INTS2: variants seen among roughly 807,000 people sequenced by gnomAD.
The protein encoded by INTS2 is integrator complex subunit 2, also known as KIAA1287.
A neutral mutation model predicts 139.6 loss-of-function variants in INTS2; 57 were observed. That is an observed-to-expected ratio of 0.41 (90% CI 0.33 to 0.51). The LOEUF (loss-of-function observed/expected upper bound fraction) is 0.51, where lower values mean the gene tolerates loss of function less well. INTS2 is among the 20% of genes least tolerant of loss of function. The pLI is 0.28. For missense variants in INTS2, 1,196 were observed against 1,436.7 expected (o/e 0.83, Z 2.71); for synonymous variants, 473 against 493.4 (o/e 0.96, Z 0.55).
intron 1 of INTS2, among the ~76,000 whole-genome samples, chr17:61,926,949 A>G (rs146055955): frequency 6.6e-6 from 1 of 152,326 alleles, no homozygotes; most frequent in Non-Finnish European, 1.5e-5. Flanking sequence ...AGATGAAGTA[A>G]CACGCCCAAA....
At chr17:61,888,266 A>G (rs1411555212) in intron 15 of INTS2, among the ~76,000 whole-genome samples, 5 of 150,964 alleles carry the variant, frequency 3.3e-5, no homozygotes, top group African/African-American at 1.2e-4. Flanking sequence ...GCTACACTGG[A>G]GGCTGAGGCA....
intron 4 of INTS2, among the ~76,000 whole-genome samples, chr17:61,920,771 C>G (rs549839561): frequency 7.5e-4 from 114 of 152,156 alleles, no homozygotes; most frequent in African/African-American, 2.7e-3. Flanking sequence ...CCACTGCACT[C>G]CAGCCTGGGT....
intron 5 of INTS2, among the ~76,000 whole-genome samples, chr17:61,914,527 G>A (rs1424636004): frequency 6.6e-6 from 1 of 152,018 alleles, no homozygotes; most frequent in African/African-American, 2.4e-5. Flanking sequence ...GTGAAACCGT[G>A]TTACTACTAA....
At chr17:61,894,080 A>T in intron 12 of INTS2, 181 bp from the exon 13 acceptor site, 1 of 403,350 alleles carries the variant, frequency 2.5e-6, no homozygotes, top group East Asian at 3.9e-5. Context: ...ACATTTAGGG[A>T]TTTATATAAT....
rs2079477257 is a variant in INTS2 at position 61,907,473 on chromosome 17, C to T, written c.1116G>A (p.Glu372=). 1.2e-6 allele frequency: 2 copies of T among 1,603,274 alleles called. No individual in the cohort carries two copies. The highest frequency in any genetic ancestry group is 1.7e-6 in the Non-Finnish European group (2 of 1,175,092). Residue 372 remains glutamate (E), a synonymous_variant, in exon 8 of 25, where the codon GAG becomes GAA. Transcript: ENST00000251334. The part of the protein sequence containing the change: ...NVSVYSGLKE[E]HVVKASALLR... ...AGAGTGCACTGGCTTTCACAACATGCTCTTCTTTCAGCCCCGAATACACAG... is the reference window on the plus strand; with the variant it reads ...AGAGTGCACTGGCTTTCACAACATGTTCTTCTTTCAGCCCCGAATACACAG...
chr17:61,885,815 G>C (rs1010721550), intron 15 of INTS2, among the ~76,000 whole-genome samples: 13 of 142,234 alleles, frequency 9.1e-5, no homozygotes, highest in Non-Finnish European at 1.8e-4. Flanking sequence ...TGCAAACTCT[G>C]CCTCCCAGGT....
rs912454951 is a variant in INTS2, at chr17:61,897,823, T to C, written c.1308-84A>G. ...AAAAGCATTCTGAAGTTATTTTTGG[T>C]AGAAATTATTTTTCCTGCCCTATTT... On this transcript the variant is annotated intron_variant, in intron 9 of 24. Transcript: ENST00000251334. The surrounding 1 kb of genome is among the most constrained non-coding windows in gnomAD (Gnocchi z 4.4). 3 of 991,440 alleles carry C rather than the reference T, an allele frequency of 3.0e-6. No individual in the cohort carries two copies. Among genetic ancestry groups the C allele is most frequent in the Non-Finnish European group, 4.5e-6 (3 of 661,354 alleles). The allele number at this position is 991,440 out of a possible 1,614,324, so 61.4% of individuals were successfully genotyped here.
In INTS2 at chr17:61,911,522, G is replaced by A; in HGVS notation, c.952C>T (p.Gln318Ter). The change falls in exon 7 of 25, where the codon CAG becomes TAG. Residue 318 changes from glutamine to a stop codon, truncating the protein, a stop_gained and splice_region_variant. Coordinates refer to ENST00000251334, the MANE Select transcript of INTS2 (RefSeq NM_001351695.2). LOFTEE classifies it high-confidence loss of function. ...CTATACAGATATTTAACCCTCACCT[G>A]CTGTCCATTTCGGATAAAAGTTCCA... The part of the protein sequence containing the change: ...WFGTFIRNGQ[Q>*]RKRETSSSVL... The A allele has an allele frequency of 6.2e-7, 1 of 1,613,614 alleles. No individual in the cohort carries two copies. The highest frequency in any genetic ancestry group is 2.2e-5 in the East Asian group (1 of 44,878).
rs2079297920 is a variant in INTS2 at position 61,891,816 on chromosome 17, T to C, written c.1699-127A>G. The C allele has an allele frequency of 1.4e-5, 9 of 641,092 alleles. No homozygotes were observed. In the South Asian group the frequency reaches 2.1e-4, roughly 15 times the overall value. The allele number at this position is 641,092 out of a possible 1,614,324, so 39.7% of individuals were successfully genotyped here. A position where few individuals can be genotyped will look rare whatever the true frequency, so the allele number is the denominator to read the frequency against. On this transcript the variant is annotated intron_variant, in intron 13 of 24. Transcript: ENST00000251334. Reference sequence around the variant, plus strand: ...AAACTCACTATTAACTTTTGGCAGTTCCAAATATATTATCTAGTATCATAA... The same window carrying C: ...AAACTCACTATTAACTTTTGGCAGTCCCAAATATATTATCTAGTATCATAA...
chr17:61,889,734 C>T (rs2145925083), intron 15 of INTS2, 52 bp downstream of exon 15: 1 of 851,752 alleles, frequency 1.2e-6, no homozygotes, highest in South Asian at 1.6e-5. Context: ...TAACAAAATA[C>T]AAGCTAATAA....
At chr17:61,903,121 C>T (rs1382513144) in intron 9 of INTS2, among the ~76,000 whole-genome samples, 2 of 141,578 alleles carry the variant, frequency 1.4e-5, no homozygotes, top group African/African-American at 2.6e-5. Context: ...GCCAAGATAT[C>T]GCACCACTGC....
intron 11 of INTS2, 89 bp from the exon 12 acceptor site, chr17:61,895,472 A>C (rs566934865): frequency 1.4e-6 from 1 of 704,456 alleles, no homozygotes; most frequent in African/African-American, 1.9e-5. Flanking sequence ...GCTATGATAC[A>C]CATAAATGTT....
Position 61,867,567 on chromosome 17 carries a change from C to T in INTS2, c.3581G>A (p.Ser1194Asn). 2 of 1,598,226 alleles carry T rather than the reference C, an allele frequency of 1.3e-6. No individual in the cohort carries two copies. The highest frequency in any genetic ancestry group is 2.2e-5 in the South Asian group (2 of 88,932). ...GTTTTAAATTTTGTTTTAAATTCCA[C>T]TAACACTCATATTTATTATTTCAAT... Reference protein sequence around the residue: ...TVIEIINMSVSGI With the variant: ...TVIEIINMSVNGI The change falls in exon 25 of 25, where the codon AGT (serine) becomes AAT (asparagine). Residue 1194 changes from serine (S) to asparagine (N), a missense_variant. Transcript: ENST00000251334. This position sits in a 1 kb window ranked among gnomAD's most constrained non-coding sequence, Gnocchi z 5.6.
chr17:61,909,638 C>G lies in INTS2; in HGVS notation c.954+1882G>C, dbSNP rs2143095249. 6.6e-6 allele frequency among the ~76,000 whole-genome samples: 1 copy of G among 152,240 alleles called. No individual in the cohort carries two copies. The highest frequency in any genetic ancestry group is 2.4e-5 in the African/African-American group (1 of 41,540). ...CATGTGTACACATGATTAGCACCCACTCATAATTGAGAATATGCAATATTT... is the reference window on the plus strand; with the variant it reads ...CATGTGTACACATGATTAGCACCCAGTCATAATTGAGAATATGCAATATTT... On this transcript the variant is annotated intron_variant, in intron 7 of 24. Coordinates refer to ENST00000251334, the MANE Select transcript of INTS2 (RefSeq NM_001351695.2). The surrounding 1 kb of genome is among the most constrained non-coding windows in gnomAD (Gnocchi z 4.9).
intron 5 of INTS2, among the ~76,000 whole-genome samples, chr17:61,916,389 C>G (rs1300152441): frequency 6.6e-6 from 1 of 152,124 alleles, no homozygotes; most frequent in East Asian, 1.9e-4. Context: ...GCCAAGGTCG[C>G]ACCCCTGGAC....
Position 61,876,018 on chromosome 17 carries a change from A to C in INTS2, c.2457-980T>G. ...ACACCATCTCTACAAAAACTAAAAA[A>C]AATTAGGCAGGCACGGGGGTATGCA... On this transcript the variant is annotated intron_variant, in intron 18 of 24. Coordinates refer to ENST00000251334, the MANE Select transcript of INTS2 (RefSeq NM_001351695.2). This position sits in a 1 kb window ranked among gnomAD's most constrained non-coding sequence, Gnocchi z 4.1. Among the ~76,000 whole-genome samples the C allele has an allele frequency of 6.6e-6, 1 of 151,874 alleles. No individual in the cohort carries two copies. Among genetic ancestry groups the C allele is most frequent in the East Asian group, 1.9e-4 (1 of 5,176 alleles).
chr17:61,904,094 T>C (rs974355092), intron 9 of INTS2, among the ~76,000 whole-genome samples: 1 of 152,148 alleles, frequency 6.6e-6, no homozygotes, highest in Non-Finnish European at 1.5e-5. Flanking sequence ...ACAATGTACA[T>C]ATATAAGATA....
At chr17:61,895,112 G>C (rs2079333845) in intron 12 of INTS2, among the ~76,000 whole-genome samples, 1 of 152,008 alleles carries the variant, frequency 6.6e-6, no homozygotes, top group African/African-American at 2.4e-5. Flanking sequence ...AAATTCAAAA[G>C]ATGCCTTGGT....
At position 61,904,611 on chromosome 17, in the gene INTS2, T is replaced by C. The variant is rs1395287271; in HGVS notation, c.1182-26A>G. On this transcript the variant is annotated intron_variant, in intron 8 of 24. Transcript: ENST00000251334. The stretch of plus-strand genomic sequence containing the variant: ...CTAAAAAGGAATACATCATTAGGCT[T>C]TACATTTTTAGTTGGGATGAAGAAG... 6 of 1,553,320 alleles carry C rather than the reference T, an allele frequency of 3.9e-6. 1 individual carries two copies. In the South Asian group the frequency reaches 7.3e-5, roughly 19 times the overall value.
Sources: allele counts gnomAD v4.1 joint callset (sites outside exome capture counted in the v4.1 genomes callset), GRCh38; gene constraint gnomAD v4.1.1; non-coding constraint Gnocchi (gnomAD v3.1); transcripts MANE v1.5; gene names NCBI Gene and HGNC (gene_info 2026-07-23, HGNC 2026-07-21).